Variants in PRKG1 observed in about 807,000 individuals in gnomAD.
The protein encoded by PRKG1 is cGMP-dependent protein kinase 1.
A neutral mutation model predicts 88.1 loss-of-function variants in PRKG1; 35 were observed. That is an observed-to-expected ratio of 0.40 (90% CI 0.30 to 0.53). The LOEUF is 0.53. PRKG1 is among the 20% of genes least tolerant of loss of function. PRKG1 has a pLI of 0.59. For synonymous variants in PRKG1, 303 were observed against 292.5 expected, an observed-to-expected ratio of 1.04 and a Z score of -0.37; for missense variants, 540 against 839.8, an observed-to-expected ratio of 0.64 and a Z score of 4.41.
intron 12 of PRKG1, among the ~76,000 whole-genome samples, chr10:52,274,737 G>C (rs1485187060): frequency 6.6e-6 from 1 of 151,924 alleles, no homozygotes; most frequent in Non-Finnish European, 1.5e-5. Flanking sequence ...TCTACTTTTA[G>C]TTCTTTAAGG....
At chr10:51,457,439 G>A (rs534146132) in intron 2 of PRKG1, among the ~76,000 whole-genome samples, 1 of 152,212 alleles carries the variant, frequency 6.6e-6, no homozygotes, top group African/African-American at 2.4e-5. Context: ...AGGGGGAAAG[G>A]CGGGAAGGAA....
At chr10:52,126,955 A>G (rs1339220537) in intron 7 of PRKG1, among the ~76,000 whole-genome samples, 1 of 152,162 alleles carries the variant, frequency 6.6e-6, no homozygotes, top group Non-Finnish European at 1.5e-5. Flanking sequence ...TCTTGTGCAA[A>G]GAGTTGACAT....
chr10:51,841,655 A>T (rs1015729023), intron 4 of PRKG1, among the ~76,000 whole-genome samples: 11 of 117,426 alleles, frequency 9.4e-5, no homozygotes, highest in African/African-American at 4.2e-4. Context: ...AATTTGTTAA[A>T]AAAAAAAGAC....
rs140358981 is a variant in PRKG1 at position 52,002,091 on chromosome 10, T to G, written c.763-52393T>G. ...CTTCACAAGTATTCCCAAGAAATATTATTCTTTCTACATTTGTGATCAATT... is the reference window on the plus strand; with the variant it reads ...CTTCACAAGTATTCCCAAGAAATATGATTCTTTCTACATTTGTGATCAATT... On this transcript the variant is annotated intron_variant, in intron 5 of 17. Transcript: ENST00000373980. Among the ~76,000 whole-genome samples, 632 of 152,234 alleles carry G rather than the reference T, an allele frequency of 4.2e-3. 4 individuals are homozygous for G. The highest frequency in any genetic ancestry group is 0.014 in the African/African-American group (576 of 41,560).
intron 2 of PRKG1, chr10:51,320,182 A>C (rs972445039): frequency 1.3e-5 from 2 of 159,342 alleles, no homozygotes; most frequent in African/African-American, 4.8e-5. Flanking sequence ...GACTTGATGT[A>C]CAATTTGAAT....
intron 2 of PRKG1, among the ~76,000 whole-genome samples, chr10:51,193,983 AT>A (rs780299030): frequency 1.3e-5 from 2 of 152,138 alleles, no homozygotes; most frequent in Non-Finnish European, 2.9e-5. Flanking sequence ...GTCTTTGTAA[AT>A]TGTTCAGAAT....
intron 2 of PRKG1, among the ~76,000 whole-genome samples, chr10:51,338,179 A>C (rs901797225): frequency 6.6e-6 from 1 of 152,220 alleles, no homozygotes; most frequent in African/African-American, 2.4e-5. Flanking sequence ...ACATGGACAC[A>C]AGGAGGGGAA....
At chr10:51,008,776 T>A (rs1842963899) in intron 1 of PRKG1, among the ~76,000 whole-genome samples, 1 of 152,164 alleles carries the variant, frequency 6.6e-6, no homozygotes, top group African/African-American at 2.4e-5. Context: ...TTCTGAAGTC[T>A]GCTGAGCCCA....
intron 2 of PRKG1, among the ~76,000 whole-genome samples, chr10:51,433,155 A>G (rs186761372): frequency 8.5e-5 from 13 of 152,288 alleles, no homozygotes; most frequent in Non-Finnish European, 1.0e-4. Context: ...GGAGTCTGAA[A>G]TTAGATGGAT....
At chr10:52,087,258 G>A (rs998154345) in intron 7 of PRKG1, among the ~76,000 whole-genome samples, 1 of 152,138 alleles carries the variant, frequency 6.6e-6, no homozygotes, top group Non-Finnish European at 1.5e-5. Context: ...TTATCTCAGT[G>A]TAGTTTTTCA....
At chr10:52,253,146 C>T (rs1002559497) in intron 10 of PRKG1, among the ~76,000 whole-genome samples, 1 of 151,852 alleles carries the variant, frequency 6.6e-6, no homozygotes, top group Non-Finnish European at 1.5e-5. Flanking sequence ...GACAGAATTT[C>T]TCAGAGAGTG....
intron 2 of PRKG1, among the ~76,000 whole-genome samples, chr10:51,219,750 G>A (rs1371588770): frequency 6.6e-6 from 1 of 151,780 alleles, no homozygotes; most frequent in Non-Finnish European, 1.5e-5. Context: ...AAGGCAAGAA[G>A]GAGCATCTGT....
In PRKG1 at chr10:51,736,172, G is replaced by A. The variant is rs534560322; in HGVS notation, c.593-68413G>A. Among the ~76,000 whole-genome samples, 241 of 151,928 alleles carry A rather than the reference G, an allele frequency of 1.6e-3. 1 individual carries two copies. Among genetic ancestry groups the A allele is most frequent in the African/African-American group, 5.6e-3 (231 of 41,444 alleles). Reference sequence around the variant, plus strand: ...TTCCTGAAGTGCTGAGATTACTGCCGTGAGTCACCATGACTGGGAGTTATT... The same window carrying A: ...TTCCTGAAGTGCTGAGATTACTGCCATGAGTCACCATGACTGGGAGTTATT... On this transcript the variant is annotated intron_variant, in intron 3 of 17. Coordinates refer to ENST00000373980, the MANE Select transcript of PRKG1 (RefSeq NM_006258.4).
intron 3 of PRKG1, among the ~76,000 whole-genome samples, chr10:51,527,442 C>G (rs1841910271): frequency 1.3e-5 from 2 of 151,684 alleles, no homozygotes; most frequent in East Asian, 1.9e-4. Flanking sequence ...AAAACAAAAA[C>G]AGTGGAAATG....
At position 52,256,110 on chromosome 10, in the gene PRKG1, G is replaced by A. The variant is rs1013544665; in HGVS notation, c.1173+4444G>A. On this transcript the variant is annotated intron_variant, in intron 10 of 17. Transcript: ENST00000373980. Reference sequence around the variant, plus strand: ...CTAGAAGCTTTTTCTGCCATTCTGGGTTTTAAAAATATTTGGATTCTTACC... The same window carrying A: ...CTAGAAGCTTTTTCTGCCATTCTGGATTTTAAAAATATTTGGATTCTTACC... 1.4e-5 allele frequency among the ~76,000 whole-genome samples: 2 copies of A among 138,648 alleles called. 1 individual carries two copies. Among genetic ancestry groups the A allele is most frequent in the Non-Finnish European group, 3.3e-5 (2 of 61,388 alleles). 91.0% of individuals were successfully genotyped at this position (138,648 alleles called of 152,430 possible).
intron 4 of PRKG1, among the ~76,000 whole-genome samples, chr10:51,890,724 G>C (rs7917191): frequency 0.5 from 75,717 of 152,110 alleles, 19,173 homozygotes; most frequent in African/African-American, 0.54. Context: ...GGGAGGTCAA[G>C]GCGGGTGGAT....
At chr10:52,130,622 C>G (rs1430570887) in intron 7 of PRKG1, among the ~76,000 whole-genome samples, 1 of 151,972 alleles carries the variant, frequency 6.6e-6, no homozygotes, top group African/African-American at 2.4e-5. Context: ...TATTGTTATT[C>G]ATTTATTTGT....
At chr10:51,296,677 T>A (rs1201864991) in intron 2 of PRKG1, among the ~76,000 whole-genome samples, 1 of 152,072 alleles carries the variant, frequency 6.6e-6, no homozygotes, top group Non-Finnish European at 1.5e-5. Flanking sequence ...TTGATTTACT[T>A]CTCTAATCTT....
At chr10:51,632,551 G>A (rs1456216887) in intron 3 of PRKG1, among the ~76,000 whole-genome samples, 2 of 152,118 alleles carry the variant, frequency 1.3e-5, no homozygotes, top group Non-Finnish European at 2.9e-5. Context: ...CATTCTAATT[G>A]TTGCTTATTT....
Sources: allele counts gnomAD v4.1 joint callset (sites outside exome capture counted in the v4.1 genomes callset), GRCh38; gene constraint gnomAD v4.1.1; transcripts MANE v1.5; gene names NCBI Gene and HGNC (gene_info 2026-07-23, HGNC 2026-07-21).